DAZAP1: variants seen among roughly 807,000 people sequenced by gnomAD.
DAZAP1 encodes the protein DAZ-associated protein 1.
DAZAP1 carries 6 observed loss-of-function variants against 60.1 expected under a neutral mutation model. That is an observed-to-expected ratio of 0.10 (90% CI 0.05 to 0.20). The LOEUF (loss-of-function observed/expected upper bound fraction) is 0.20. DAZAP1 is among the 10% of genes least tolerant of loss of function. The pLI, the probability that DAZAP1 is intolerant of heterozygous loss-of-function variation, is 1.00. For synonymous variants in DAZAP1, 235 were observed against 215.9 expected (o/e 1.09, Z -0.78); for missense variants, 366 against 560.4 (o/e 0.65, Z 3.50).
rs2083140344 is a variant in DAZAP1, at chr19:1,421,050, C to A, written c.304-98C>A. On this transcript the variant is annotated intron_variant, in intron 4 of 11. Transcript: ENST00000233078. Reference sequence around the variant, plus strand: ...GTTCTGCTCTGGCTTTCAGCTGACTCTTTAAACCAGCGCGGATTGGCCTTT... The same window carrying A: ...GTTCTGCTCTGGCTTTCAGCTGACTATTTAAACCAGCGCGGATTGGCCTTT... The A allele has an allele frequency of 4.7e-6, 5 of 1,058,908 alleles. No homozygotes were observed. The Admixed American group carries it at 7.4e-5, about 16-fold the overall frequency. The allele number at this position is 1,058,908 out of a possible 1,614,324, so 65.6% of individuals were successfully genotyped here.
intron 10 of DAZAP1, among the ~76,000 whole-genome samples, chr19:1,430,864 G>T (rs1433679275): frequency 1.3e-5 from 2 of 151,674 alleles, no homozygotes; most frequent in Admixed American, 1.3e-4. Flanking sequence ...GGGACTACAG[G>T]CGCTCGCCAC....
In DAZAP1 at chr19:1,432,815, A is replaced by G; in HGVS notation, c.1048+125A>G. 8.4e-7 allele frequency: 1 copy of G among 1,184,006 alleles called. No individual in the cohort carries two copies. Among genetic ancestry groups the G allele is most frequent in the Non-Finnish European group, 1.2e-6 (1 of 845,876 alleles). 73.3% of individuals were successfully genotyped at this position (1,184,006 alleles called of 1,614,324 possible). A position where few individuals can be genotyped will look rare whatever the true frequency, so the allele number is the denominator to read the frequency against. On this transcript the variant is annotated intron_variant, in intron 11 of 11. Coordinates refer to ENST00000233078, the MANE Select transcript of DAZAP1 (RefSeq NM_018959.4). The surrounding 1 kb of genome is among the most constrained non-coding windows in gnomAD (Gnocchi z 4.9). ...TTACCTGGTGGGAAAGGGGAGAGGGAGGAGAGGGGGGTGTGGGGGTTGTTG... is the reference window on the plus strand; with the variant it reads ...TTACCTGGTGGGAAAGGGGAGAGGGGGGAGAGGGGGGTGTGGGGGTTGTTG...
At position 1,425,740 on chromosome 19, in the gene DAZAP1, C is replaced by T. The variant is rs2083291924; in HGVS notation, c.464-138C>T. ...GGCTCCTGGGGAGGGAGGCAGCTGC[C>T]CCAGGGGCCCGCAGCGCCCCACACA... is the stretch of plus-strand genomic sequence containing the variant. On this transcript the variant is annotated intron_variant, in intron 6 of 11. Transcript: ENST00000233078. This position sits in a 1 kb window ranked among gnomAD's most constrained non-coding sequence, Gnocchi z 5.4. 3.0e-6 allele frequency: 2 copies of T among 675,492 alleles called. No homozygotes were observed. The highest frequency in any genetic ancestry group is 2.7e-6 in the Non-Finnish European group (1 of 371,630). 41.8% of individuals were successfully genotyped at this position (675,492 alleles called of 1,614,324 possible).
In DAZAP1 at chr19:1,422,945, C is replaced by G. The variant is rs1233286821; in HGVS notation, c.463+549C>G. Among the ~76,000 whole-genome samples the G allele has an allele frequency of 6.6e-6, 1 of 152,026 alleles. No individual in the cohort carries two copies. Among genetic ancestry groups the G allele is most frequent in the Non-Finnish European group, 1.5e-5 (1 of 68,014 alleles). ...CACCTCAGGGCCTCCCCTCATTTTCCCTCAGCTTCTTGCACACCCATCCAT... is the reference window on the plus strand; with the variant it reads ...CACCTCAGGGCCTCCCCTCATTTTCGCTCAGCTTCTTGCACACCCATCCAT... On this transcript the variant is annotated intron_variant, in intron 6 of 11. Coordinates refer to ENST00000233078, the MANE Select transcript of DAZAP1 (RefSeq NM_018959.4). This position sits in a 1 kb window ranked among gnomAD's most constrained non-coding sequence, Gnocchi z 4.5.
chr19:1,419,990 A>G (rs1445941827), intron 4 of DAZAP1, among the ~76,000 whole-genome samples: 1 of 88,754 alleles, frequency 1.1e-5, no homozygotes, highest in African/African-American at 4.7e-5. Flanking sequence ...GCGAGCACTC[A>G]CCCCACGCGC....
chr19:1,412,460 A>G (rs1412109699), intron 1 of DAZAP1, among the ~76,000 whole-genome samples: 1 of 152,220 alleles, frequency 6.6e-6, no homozygotes, highest in Admixed American at 6.5e-5. Flanking sequence ...GGCGGAGCCC[A>G]GAGCCAGGTG....
rs777855984 is a variant in DAZAP1 at position 1,421,278 on chromosome 19, G to C, written c.414+20G>C. ...GGAGTGGTGAGTTTCTCCCCACCCC[G>C]GCAGCACTGTGGGGACAGAGCCGCT... On this transcript the variant is annotated intron_variant, in intron 5 of 11. Coordinates refer to ENST00000233078, the MANE Select transcript of DAZAP1 (RefSeq NM_018959.4). 4.4e-6 allele frequency: 7 copies of C among 1,606,786 alleles called. No homozygotes were observed. The highest frequency in any genetic ancestry group is 1.3e-5 in the African/African-American group (1 of 74,800).
At chr19:1,411,478 T>G (rs527949419) in intron 1 of DAZAP1, among the ~76,000 whole-genome samples, 1 of 152,338 alleles carries the variant, frequency 6.6e-6, no homozygotes, top group African/African-American at 2.4e-5. Context: ...GGTTTATGGC[T>G]TGTCCTGTGT....
At chr19:1,424,363 C>T (rs1345808316) in intron 6 of DAZAP1, among the ~76,000 whole-genome samples, 1 of 133,274 alleles carries the variant, frequency 7.5e-6, no homozygotes, top group Non-Finnish European at 1.6e-5. Flanking sequence ...TCCCCCTCCC[C>T]CCTCCCCCTC....
chr19:1,421,325 T>C (rs746196414), intron 5 of DAZAP1, 67 bp downstream of exon 5: 854 of 1,468,044 alleles, frequency 5.8e-4, no homozygotes, highest in Non-Finnish European at 7.7e-4. Flanking sequence ...CTGGGCCTTC[T>C]TGGGGCTGGA....
rs748850866 is a variant in DAZAP1 at position 1,418,625 on chromosome 19, A to G, written c.238-41A>G. 3 of 1,612,494 alleles carry G rather than the reference A, an allele frequency of 1.9e-6. No homozygotes were observed. In the East Asian group the frequency reaches 6.7e-5, roughly 36 times the overall value. ...CTGACACCCTCTTTCCTAGAGAAAC[A>G]GCCTCTTATTCACAACCAGCTGATT... On this transcript the variant is annotated intron_variant, in intron 3 of 11. Transcript: ENST00000233078. The surrounding 1 kb of genome is among the most constrained non-coding windows in gnomAD (Gnocchi z 5.7).
Position 1,432,965 on chromosome 19 carries a change from C to G in DAZAP1, c.1048+275C>G, listed in dbSNP as rs769460498. 41 of 446,138 alleles carry G rather than the reference C, an allele frequency of 9.2e-5. No homozygotes were observed. In the Middle Eastern group the frequency reaches 4.7e-3, roughly 51 times the overall value. The allele number at this position is 446,138 out of a possible 1,614,324, so 27.6% of individuals were successfully genotyped here. A position where few individuals can be genotyped will look rare whatever the true frequency, so the allele number is the denominator to read the frequency against. On this transcript the variant is annotated intron_variant, in intron 11 of 11. Coordinates refer to ENST00000233078, the MANE Select transcript of DAZAP1 (RefSeq NM_018959.4). This position sits in a 1 kb window ranked among gnomAD's most constrained non-coding sequence, Gnocchi z 4.9. The stretch of plus-strand genomic sequence containing the variant: ...GTGGGAACCTGAGTGGCGACTGGGT[C>G]GAGGGAAGTGAGTCGCAGGCAGCTG...
At position 1,434,073 on chromosome 19, in the gene DAZAP1, A is replaced by C; in HGVS notation, c.1049-664A>C. ...GAGGTCGTGGGAGGGGCTTCCTGCA[A>C]GGTGTGCAGCGGGGTGGGGAGCGGC... On this transcript the variant is annotated intron_variant, in intron 11 of 11. Coordinates refer to ENST00000233078, the MANE Select transcript of DAZAP1 (RefSeq NM_018959.4). This position sits in a 1 kb window ranked among gnomAD's most constrained non-coding sequence, Gnocchi z 8.0. The C allele has an allele frequency of 3.6e-6, 2 of 555,748 alleles. No homozygotes were observed. Among genetic ancestry groups the C allele is most frequent in the Non-Finnish European group, 6.5e-6 (2 of 309,244 alleles). The allele number at this position is 555,748 out of a possible 1,614,324, so 34.4% of individuals were successfully genotyped here.
In DAZAP1 at chr19:1,428,921, G is replaced by A. The variant is rs1244029620; in HGVS notation, c.626G>A (p.Arg209Gln). ...CCAGGTGCCAGCCAGTGGGGGAGCCGGGTTGTGCCCAACGCTGCCAATGGC... is the reference window on the plus strand; with the variant it reads ...CCAGGTGCCAGCCAGTGGGGGAGCCAGGTTGTGCCCAACGCTGCCAATGGC... ...GQPGASQWGS[R>Q]VVPNAANGWA... is the part of the protein sequence containing the mutation. The change falls in exon 8 of 12, where the codon CGG becomes CAG. Residue 209 changes from arginine to glutamine, a missense_variant. Transcript: ENST00000233078. This position sits in a 1 kb window ranked among gnomAD's most constrained non-coding sequence, Gnocchi z 4.0. The A allele has an allele frequency of 2.5e-6, 4 of 1,612,794 alleles. No individual in the cohort carries two copies. Among genetic ancestry groups the A allele is most frequent in the Non-Finnish European group, 3.4e-6 (4 of 1,179,794 alleles).
At position 1,421,129 on chromosome 19, in the gene DAZAP1, T is replaced by A; in HGVS notation, c.304-19T>A. The A allele has an allele frequency of 1.2e-6, 2 of 1,611,768 alleles. No individual in the cohort carries two copies. Among genetic ancestry groups the A allele is most frequent in the South Asian group, 1.1e-5 (1 of 91,032 alleles). On this transcript the variant is annotated intron_variant, in intron 4 of 11. Coordinates refer to ENST00000233078, the MANE Select transcript of DAZAP1 (RefSeq NM_018959.4). The stretch of plus-strand genomic sequence containing the variant: ...GGAGGGTTCCCGTGTGAACTAACTA[T>A]CCTTCCCTTCTTCAACAGCAGAAAG...
intron 1 of DAZAP1, among the ~76,000 whole-genome samples, chr19:1,414,071 A>G (rs535005864): frequency 2.7e-4 from 40 of 148,934 alleles, no homozygotes; most frequent in African/African-American, 9.0e-4. Context: ...GCTGGAGTGC[A>G]GTGGCTTGAT....
In DAZAP1 at chr19:1,418,697, T is replaced by C. The variant is rs991255414; in HGVS notation, c.269T>C (p.Met90Thr). Residue 90 changes from methionine (M) to threonine (T), a missense_variant, in exon 4 of 12, where the codon ATG becomes ACG. Physicochemically the swap from Met to Thr is moderately conservative, Grantham distance 81 (BLOSUM62 -1). Around this residue, in one of 3 missense-constraint regions of DAZAP1, gnomAD observed 98 missense variants for 155.3 expected, o/e 0.63. Transcript: ENST00000233078. This position sits in a 1 kb window ranked among gnomAD's most constrained non-coding sequence, Gnocchi z 5.7. ...IDPKPCTPRG[M>T]QPERTRPKEG... The stretch of plus-strand genomic sequence containing the variant: ...CCCAAGCCATGCACACCCCGGGGGA[T>C]GCAGCCGGAGAGAACACGGCCGAAG... 15 of 1,613,672 alleles carry C rather than the reference T, an allele frequency of 9.3e-6. No individual in the cohort carries two copies. Among genetic ancestry groups the C allele is most frequent in the Non-Finnish European group, 1.2e-5 (14 of 1,179,798 alleles).
At position 1,432,767 on chromosome 19, in the gene DAZAP1, C is replaced by T; in HGVS notation, c.1048+77C>T. On this transcript the variant is annotated intron_variant, in intron 11 of 11. Coordinates refer to ENST00000233078, the MANE Select transcript of DAZAP1 (RefSeq NM_018959.4). The surrounding 1 kb of genome is among the most constrained non-coding windows in gnomAD (Gnocchi z 4.9). ...ACGGCCTGCCTTCTTCTGCTTCCTC[C>T]CCTGCTGGACGCTCCCCAGCCTTTA... The T allele has an allele frequency of 6.9e-6, 10 of 1,454,688 alleles. No homozygotes were observed. Among genetic ancestry groups the T allele is most frequent in the Non-Finnish European group, 9.3e-6 (10 of 1,074,924 alleles). 90.1% of individuals were successfully genotyped at this position (1,454,688 alleles called of 1,614,324 possible).
At position 1,422,411 on chromosome 19, in the gene DAZAP1, A is replaced by T; in HGVS notation, c.463+15A>T. The T allele has an allele frequency of 6.2e-7, 1 of 1,612,992 alleles. No homozygotes were observed. Among genetic ancestry groups the T allele is most frequent in the Non-Finnish European group, 8.5e-7 (1 of 1,179,260 alleles). On this transcript the variant is annotated intron_variant, in intron 6 of 11. Transcript: ENST00000233078. This position sits in a 1 kb window ranked among gnomAD's most constrained non-coding sequence, Gnocchi z 4.5. The stretch of plus-strand genomic sequence containing the variant: ...GAGGCCCCGAGGTAAGGGCAGATCT[A>T]GTTTGACCTCGGCCTTCTCCCTGCT...
Sources: allele counts gnomAD v4.1 joint callset (sites outside exome capture counted in the v4.1 genomes callset), GRCh38; gene constraint gnomAD v4.1.1; regional missense constraint gnomAD v4.1.1; non-coding constraint Gnocchi (gnomAD v3.1); transcripts MANE v1.5; gene names NCBI Gene and HGNC (gene_info 2026-07-23, HGNC 2026-07-21).